Variants in FGF12 observed in about 807,000 individuals in gnomAD.
FGF12 encodes the protein fibroblast growth factor 12B.
Under a neutral mutation model 23.6 loss-of-function variants are expected in FGF12, and 14 were observed. The ratio of observed to expected loss-of-function variants is 0.59; its 90% CI spans 0.39 to 0.93. The LOEUF (loss-of-function observed/expected upper bound fraction) is 0.93, where lower values mean the gene tolerates loss of function less well. Ranked by LOEUF, FGF12 falls within the 40% of genes least tolerant of loss-of-function variation. The probability of loss-of-function intolerance (pLI) is 0.00; values close to 1 mark genes in which losing one functional copy is unlikely to be tolerated. For missense variants in FGF12, 175 were observed against 217.8 expected (o/e 0.80, Z 1.24); for synonymous variants, 62 against 77.3 (o/e 0.80, Z 1.04).
chr3:192,482,519 A>G (rs1723508278), intron 2 of FGF12, among the ~76,000 whole-genome samples: 1 of 152,170 alleles, frequency 6.6e-6, no homozygotes, highest in South Asian at 2.1e-4. Flanking sequence ...CTGTAATCCC[A>G]GCTACTCAGG....
rs576721852 is a variant in FGF12, at chr3:192,612,318, T to C, written c.13+114863A>G. 1.5e-3 allele frequency among the ~76,000 whole-genome samples: 233 copies of C among 152,132 alleles called. 1 individual carries two copies. The highest frequency in any genetic ancestry group is 5.3e-3 in the African/African-American group (220 of 41,542). On this transcript the variant is annotated intron_variant, in intron 2 of 5. Transcript: ENST00000445105. ...TTAATTGACTAGGTTTGTATATCATTTCCTTTGTTAGCCTTTTGAAAGTAA... is the reference window on the plus strand; with the variant it reads ...TTAATTGACTAGGTTTGTATATCATCTCCTTTGTTAGCCTTTTGAAAGTAA...
chr3:192,352,249 C>T (rs1222547353), intron 3 of FGF12, among the ~76,000 whole-genome samples: 1 of 152,166 alleles, frequency 6.6e-6, no homozygotes, highest in South Asian at 2.1e-4. Flanking sequence ...GCTTCACAGT[C>T]CCAGAACAGA....
chr3:192,282,374 T>C (rs1183839009), intron 4 of FGF12, among the ~76,000 whole-genome samples: 3 of 152,132 alleles, frequency 2.0e-5, no homozygotes, highest in Non-Finnish European at 4.4e-5. Flanking sequence ...ATACACAACA[T>C]GCCCCCTTAT....
chr3:192,596,613 T>C (rs2108627240), intron 2 of FGF12, among the ~76,000 whole-genome samples: 1 of 152,320 alleles, frequency 6.6e-6, no homozygotes. Context: ...ACTTGATCTT[T>C]AGTCTTGCTC....
At position 192,258,893 on chromosome 3, in the gene FGF12, C is replaced by T. The variant is rs528556780; in HGVS notation, c.228+76468G>A. Among the ~76,000 whole-genome samples, 11 of 152,242 alleles carry T rather than the reference C, an allele frequency of 7.2e-5. No homozygotes were observed. The South Asian group carries it at 8.3e-4, about 11-fold the overall frequency. On this transcript the variant is annotated intron_variant, in intron 4 of 5. Coordinates refer to ENST00000445105, the MANE Select transcript of FGF12 (RefSeq NM_004113.6). ...CAACTGCAGAAATATGCGTCACTAA[C>T]GAATCAGATTTTATTAAATGTATGT...
intron 2 of FGF12, among the ~76,000 whole-genome samples, chr3:192,627,381 C>A (rs557444095): frequency 2.6e-5 from 4 of 151,840 alleles, no homozygotes; most frequent in Non-Finnish European, 2.9e-5. Context: ...TATCATAATA[C>A]ACTATACCGA....
intron 2 of FGF12, among the ~76,000 whole-genome samples, chr3:192,403,592 G>A (rs550186074): frequency 1.3e-5 from 2 of 150,810 alleles, no homozygotes; most frequent in African/African-American, 4.9e-5. Context: ...CATTTAATTA[G>A]GCTGACTTTG....
At chr3:192,442,406 G>GA (rs1356814218) in intron 2 of FGF12, among the ~76,000 whole-genome samples, 1 of 152,180 alleles carries the variant, frequency 6.6e-6, no homozygotes, top group African/African-American at 2.4e-5. Flanking sequence ...ACAATTAAGT[G>GA]AAATCAGCAA....
chr3:192,144,035 T>G lies in FGF12; in HGVS notation c.520A>C (p.Lys174Gln). Reference sequence around the variant, plus strand: ...TATGTTGAATCTTGATTCACAACTTTGCCTCCATTCATGGTTGGTGTTCCA... The same window carrying G: ...TATGTTGAATCTTGATTCACAACTTGGCCTCCATTCATGGTTGGTGTTCCA... ...SSGTPTMNGG[K>Q]VVNQDST is the part of the protein sequence containing the mutation. Residue 174 changes from lysine to glutamine, a missense_variant, in exon 6 of 6, where the codon AAA becomes CAA. Physicochemically the swap from Lys to Gln is moderately conservative, Grantham distance 53. Coordinates refer to ENST00000445105, the MANE Select transcript of FGF12 (RefSeq NM_004113.6). 1 of 1,612,316 alleles carries G rather than the reference T, an allele frequency of 6.2e-7. No homozygotes were observed. Among genetic ancestry groups the G allele is most frequent in the South Asian group, 1.1e-5 (1 of 91,038 alleles).
At chr3:192,270,951 T>C (rs1713398863) in intron 4 of FGF12, among the ~76,000 whole-genome samples, 1 of 152,162 alleles carries the variant, frequency 6.6e-6, no homozygotes, top group African/African-American at 2.4e-5. Flanking sequence ...TGATTTGATA[T>C]GTAGGTTTTT....
intron 2 of FGF12, among the ~76,000 whole-genome samples, chr3:192,619,031 G>A (rs1577082115): frequency 1.3e-5 from 2 of 151,684 alleles, no homozygotes; most frequent in Admixed American, 1.3e-4. Context: ...ATATATACAA[G>A]GGATTGGTAA....
At chr3:192,366,940 TTTCTGTTTATTGTA>T (rs759509080) in intron 2 of FGF12, among the ~76,000 whole-genome samples, 19 of 152,120 alleles carry the variant, frequency 1.2e-4, no homozygotes, top group Non-Finnish European at 1.9e-4. Context: ...TAAAAAGAAC[TTTCTGTTTATTGTA>T]TTCAAAGACA....
intron 2 of FGF12, among the ~76,000 whole-genome samples, chr3:192,723,019 G>T (rs1177274701): frequency 6.6e-6 from 1 of 152,096 alleles, no homozygotes; most frequent in African/African-American, 2.4e-5. Context: ...ATCTCAAAAG[G>T]GTTGAACAGA....
chr3:192,611,116 C>T (rs1365645253), intron 2 of FGF12, among the ~76,000 whole-genome samples: 7 of 151,986 alleles, frequency 4.6e-5, no homozygotes, highest in Admixed American at 4.6e-4. Context: ...ATATTAATCA[C>T]TTAATAATCA....
At chr3:192,331,330 AAAC>A (rs1203194060) in intron 4 of FGF12, among the ~76,000 whole-genome samples, 7 of 147,820 alleles carry the variant, frequency 4.7e-5, no homozygotes, top group Middle Eastern at 3.4e-3. Flanking sequence ...AAAAAAAAAA[AAAC>A]AAAAACAAAA....
rs1274629187 is a variant in FGF12, at chr3:192,542,756, GCA to G, written c.14-182220_14-182219del. ...CAAGCCCAGTAACAATATGGTTCTT[GCA>G]GACTTATAGAGATACTTCTTGGTGG... On this transcript the variant is annotated intron_variant, in intron 2 of 5. Coordinates refer to ENST00000445105, the MANE Select transcript of FGF12 (RefSeq NM_004113.6). Among the ~76,000 whole-genome samples, 8 of 152,094 alleles carry G rather than the reference GCA, an allele frequency of 5.3e-5. No individual in the cohort carries two copies. The East Asian group carries it at 1.4e-3, about 26-fold the overall frequency.
intron 4 of FGF12, among the ~76,000 whole-genome samples, chr3:192,334,480 A>G (rs1664392138): frequency 6.6e-6 from 1 of 152,116 alleles, no homozygotes; most frequent in South Asian, 2.1e-4. Flanking sequence ...AATTTTTTTC[A>G]TGAACTACAA....
intron 2 of FGF12, among the ~76,000 whole-genome samples, chr3:192,421,516 T>C (rs1560106460): frequency 1.3e-5 from 2 of 152,002 alleles, no homozygotes; most frequent in Non-Finnish European, 1.5e-5. Context: ...TCATGTCCTT[T>C]GGAGGGACAT....
At chr3:192,251,941 A>G (rs1156635266) in intron 4 of FGF12, among the ~76,000 whole-genome samples, 1 of 152,138 alleles carries the variant, frequency 6.6e-6, no homozygotes, top group Admixed American at 6.6e-5. Flanking sequence ...AGATTTGAGC[A>G]CTTTGTCCAT....
Sources: gnomAD v4.1 joint callset for allele counts (sites outside exome capture counted in the v4.1 genomes callset) on GRCh38, gnomAD v4.1.1 for gene constraint, MANE v1.5 for transcripts, NCBI Gene and HGNC (gene_info 2026-07-23, HGNC 2026-07-21) for gene names.